Variants in LARGE1 observed in about 807,000 individuals in gnomAD.
LARGE1 encodes xylosyl- and glucuronyltransferase LARGE1.
Under a neutral mutation model 87.6 loss-of-function variants are expected in LARGE1, and 43 were observed. The observed-to-expected ratio is 0.49, with a 90% confidence interval of 0.38 to 0.63. LARGE1 has a LOEUF of 0.63. Among genes scored for constraint, LARGE1 ranks in the 30% least tolerant of loss-of-function variants. The probability of loss-of-function intolerance (pLI) is 0.00; values close to 1 mark genes in which losing one functional copy is unlikely to be tolerated. For synonymous variants in LARGE1, 434 were observed against 394.6 expected, an observed-to-expected ratio of 1.10 and a Z score of -1.18; for missense variants, 802 against 1,000.2, an observed-to-expected ratio of 0.80 and a Z score of 2.67.
At chr22:33,476,829 G>A (rs1342099888) in intron 6 of LARGE1, among the ~76,000 whole-genome samples, 1 of 152,130 alleles carries the variant, frequency 6.6e-6, no homozygotes, top group Non-Finnish European at 1.5e-5. Flanking sequence ...ATGTCAGAGT[G>A]TGGATAACTA....
chr22:33,402,619 A>G (rs1379189543), intron 7 of LARGE1, among the ~76,000 whole-genome samples: 2 of 152,232 alleles, frequency 1.3e-5, no homozygotes, highest in Non-Finnish European at 2.9e-5. Flanking sequence ...GATATTCATC[A>G]TAACTTATAG....
In LARGE1 at chr22:33,191,078, C is replaced by G. The variant is rs956833361; in HGVS notation, c.1731-24246G>C. Among the ~76,000 whole-genome samples, 10 of 152,322 alleles carry G rather than the reference C, an allele frequency of 6.6e-5. No homozygotes were observed. The East Asian group carries it at 1.9e-3, about 29-fold the overall frequency. ...TTTCTTCAATGTGGTATCTTAAGCA[C>G]TCTCACAGTGTGTAGCATAGTTGAC... On this transcript the variant is annotated intron_variant, in intron 11 of 11. Transcript: ENST00000608642.
chr22:33,104,877 T>C, the LARGE1 span, among the ~76,000 whole-genome samples: 3 of 107,918 alleles, frequency 2.8e-5, no homozygotes, highest in Non-Finnish European at 7.0e-5. Context: ...GGGACTTCAA[T>C]AGACTTTCTC....
At chr22:33,860,156 T>A (rs1601796699) in intron 1 of LARGE1, among the ~76,000 whole-genome samples, 1 of 151,958 alleles carries the variant, frequency 6.6e-6, no homozygotes, top group East Asian at 1.9e-4. Context: ...TTTTTTAAAT[T>A]AAAAAAAAAT....
At chr22:33,313,936 A>C (rs1935875457) in intron 11 of LARGE1, among the ~76,000 whole-genome samples, 1 of 152,192 alleles carries the variant, frequency 6.6e-6, no homozygotes, top group South Asian at 2.1e-4. Flanking sequence ...GTCACCTAAC[A>C]ACAGAAAACG....
At chr22:33,105,143 G>A in the LARGE1 span, among the ~76,000 whole-genome samples, 1 of 151,104 alleles carries the variant, frequency 6.6e-6, no homozygotes, top group Non-Finnish European at 1.5e-5. Context: ...GATTACAGGT[G>A]TGTGCCACCA....
the LARGE1 span, among the ~76,000 whole-genome samples, chr22:33,136,669 T>G: frequency 2.6e-5 from 4 of 152,148 alleles, no homozygotes; most frequent in Admixed American, 2.6e-4. Flanking sequence ...GCATGGGGGA[T>G]TTAATATAAA....
At chr22:33,640,931 T>C (rs570223490) in intron 3 of LARGE1, among the ~76,000 whole-genome samples, 2 of 152,212 alleles carry the variant, frequency 1.3e-5, no homozygotes, top group Admixed American at 6.5e-5. Context: ...GGCTTATAGA[T>C]AAAACTCCCA....
chr22:33,587,315 T>A (rs1569293012), intron 5 of LARGE1, among the ~76,000 whole-genome samples: 1 of 152,214 alleles, frequency 6.6e-6, no homozygotes, highest in Non-Finnish European at 1.5e-5. Flanking sequence ...AGAACCTGTA[T>A]ATAATTTTTA....
chr22:33,532,872 G>A (rs184660458), intron 6 of LARGE1, among the ~76,000 whole-genome samples: 5 of 152,320 alleles, frequency 3.3e-5, no homozygotes, highest in Admixed American at 2.6e-4. Context: ...CCAGTTAGTC[G>A]TTTACTTGAA....
intron 6 of LARGE1, among the ~76,000 whole-genome samples, chr22:33,549,458 T>C (rs1020390983): frequency 6.6e-6 from 1 of 152,334 alleles, no homozygotes; most frequent in Admixed American, 6.5e-5. Flanking sequence ...ATCTGTGCCC[T>C]TTTGTGGATG....
At chr22:33,555,887 G>A (rs957423230) in intron 6 of LARGE1, among the ~76,000 whole-genome samples, 2 of 146,756 alleles carry the variant, frequency 1.4e-5, no homozygotes, top group Admixed American at 7.0e-5. Flanking sequence ...TGGAGATCAC[G>A]CCACTGCACT....
upstream of LARGE1, chr22:33,922,358 C>T (rs1395096382): frequency 6.6e-6 from 1 of 152,252 alleles, no homozygotes; most frequent in Non-Finnish European, 1.5e-5. Context: ...CACTCTCGGC[C>T]TTTGGCTTTA....
the LARGE1 span, among the ~76,000 whole-genome samples, chr22:33,123,936 T>C: frequency 6.6e-6 from 1 of 152,156 alleles, no homozygotes; most frequent in African/African-American, 2.4e-5. Context: ...AGGTCCCACA[T>C]CAGGCGGTGC....
At chr22:33,666,007 C>CA (rs1301926971) in intron 2 of LARGE1, among the ~76,000 whole-genome samples, 87 of 151,792 alleles carry the variant, frequency 5.7e-4, no homozygotes, top group African/African-American at 1.7e-3. Context: ...AAATTGACTC[C>CA]AAAAAAAACC....
chr22:33,113,725 A>G, the LARGE1 span, among the ~76,000 whole-genome samples: 1 of 152,158 alleles, frequency 6.6e-6, no homozygotes, highest in African/African-American at 2.4e-5. Flanking sequence ...TTGAGTTTCA[A>G]ATTCTCTCTC....
intron 6 of LARGE1, among the ~76,000 whole-genome samples, chr22:33,532,811 T>G (rs1257250285): frequency 6.6e-6 from 1 of 152,180 alleles, no homozygotes; most frequent in Non-Finnish European, 1.5e-5. Context: ...CCTTTGTGAG[T>G]GCCAAGTAGT....
intron 5 of LARGE1, among the ~76,000 whole-genome samples, chr22:33,601,699 G>A (rs1220555841): frequency 2.6e-5 from 4 of 152,194 alleles, no homozygotes; most frequent in African/African-American, 7.2e-5. Context: ...TAAAAAGCAG[G>A]TGTCAGGAAA....
chr22:33,433,640 A>G (rs2147741053), intron 6 of LARGE1, among the ~76,000 whole-genome samples: 1 of 151,186 alleles, frequency 6.6e-6, no homozygotes, highest in African/African-American at 2.4e-5. Context: ...AGAAAGGGAA[A>G]TTGAGGTTTA....
Sources: gnomAD v4.1 joint callset for allele counts (sites outside exome capture counted in the v4.1 genomes callset) on GRCh38, gnomAD v4.1.1 for gene constraint, MANE v1.5 for transcripts, NCBI Gene and HGNC (gene_info 2026-07-23, HGNC 2026-07-21) for gene names.